KCNMA1: variants seen among roughly 807,000 people sequenced by gnomAD.
KCNMA1 encodes Calcium-activated potassium channel subunit alpha-1.
In KCNMA1, 29 loss-of-function variants were observed where a neutral mutation model predicts 140.0. The ratio of observed to expected loss-of-function variants is 0.21; its 90% CI spans 0.15 to 0.28. KCNMA1 has a LOEUF of 0.28. KCNMA1 is among the 10% of genes least tolerant of loss of function. KCNMA1 has a pLI of 1.00. For synonymous variants in KCNMA1, 612 were observed against 611.9 expected (o/e 1.00, Z 0.00); for missense variants, 880 against 1,602.2 (o/e 0.55, Z 7.70).
At chr10:77,157,398 T>G (rs951375095) in intron 5 of KCNMA1, among the ~76,000 whole-genome samples, 3 of 152,232 alleles carry the variant, frequency 2.0e-5, no homozygotes, top group Non-Finnish European at 4.4e-5. Flanking sequence ...ACTTATCTAC[T>G]GTACAGAAAA....
At chr10:77,550,912 T>G (rs997435700) in intron 1 of KCNMA1, among the ~76,000 whole-genome samples, 3 of 152,118 alleles carry the variant, frequency 2.0e-5, no homozygotes, top group Non-Finnish European at 4.4e-5. Flanking sequence ...CAACCAAGAT[T>G]TTGGAGTCAG....
intron 1 of KCNMA1, among the ~76,000 whole-genome samples, chr10:77,482,395 T>G (rs1239000408): frequency 1.3e-5 from 2 of 152,184 alleles, no homozygotes; most frequent in African/African-American, 2.4e-5. Context: ...GACAGGAGGC[T>G]TAGGGCATCA....
chr10:77,335,872 C>T (rs1201424253), intron 2 of KCNMA1, among the ~76,000 whole-genome samples: 1 of 152,182 alleles, frequency 6.6e-6, no homozygotes, highest in East Asian at 1.9e-4. Context: ...GACTCCAAGA[C>T]CCATGCTCCT....
At chr10:77,474,502 C>T (rs575752988) in intron 1 of KCNMA1, among the ~76,000 whole-genome samples, 33 of 152,336 alleles carry the variant, frequency 2.2e-4, no homozygotes, top group Admixed American at 6.5e-4. Flanking sequence ...ACCTTGACCT[C>T]AGACTTACAG....
At chr10:77,380,990 C>T (rs2095363426) in intron 2 of KCNMA1, among the ~76,000 whole-genome samples, 1 of 152,176 alleles carries the variant, frequency 6.6e-6, no homozygotes, top group Admixed American at 6.5e-5. Flanking sequence ...CTGTGCTTTT[C>T]TGACCTTAGA....
At chr10:76,972,103 G>T (rs903798304) in intron 19 of KCNMA1, among the ~76,000 whole-genome samples, 2 of 152,148 alleles carry the variant, frequency 1.3e-5, no homozygotes, top group Non-Finnish European at 2.9e-5. Flanking sequence ...CTTGCAATTG[G>T]TGTATTGTGT....
chr10:77,093,559 G>A (rs923748615), intron 9 of KCNMA1, among the ~76,000 whole-genome samples: 13 of 152,286 alleles, frequency 8.5e-5, no homozygotes, highest in East Asian at 1.9e-4. Flanking sequence ...ATCTGCTTCC[G>A]CCAGCCTGTG....
chr10:77,088,898 G>GGGGAC lies in KCNMA1; in HGVS notation c.1334+1501_1334+1502insGTCCC, dbSNP rs2096753923. 2.0e-5 allele frequency among the ~76,000 whole-genome samples: 3 copies of GGGGAC among 152,300 alleles called. No homozygotes were observed. The East Asian group carries it at 5.8e-4, about 29-fold the overall frequency. ...ATGTCCCCAGTCACTTCTGCCACCT[G>GGGGAC]ATCAAAATGACTTCAGCATCCCTTG... On this transcript the variant is annotated intron_variant, in intron 10 of 27. Coordinates refer to ENST00000286628, the MANE Select transcript of KCNMA1 (RefSeq NM_001161352.2).
intron 2 of KCNMA1, among the ~76,000 whole-genome samples, chr10:77,391,390 C>T (rs2095815659): frequency 6.6e-6 from 1 of 152,158 alleles, no homozygotes; most frequent in African/African-American, 2.4e-5. Flanking sequence ...GCCAATTTTA[C>T]AAACTGAAAT....
At chr10:77,145,509 A>G (rs1376787991) in intron 5 of KCNMA1, among the ~76,000 whole-genome samples, 1 of 152,168 alleles carries the variant, frequency 6.6e-6, no homozygotes, top group Non-Finnish European at 1.5e-5. Flanking sequence ...TGTCTGCCTG[A>G]AAGAATTCTA....
rs1225812011 is a variant in KCNMA1 at position 77,108,801 on chromosome 10, A to C, written c.1132-229T>G. ...ACCTTGACAACTAAAGAACAAAAAA[A>C]AATCACAGTCGAGAAAAATACAAAG... On this transcript the variant is annotated intron_variant, in intron 8 of 27. Transcript: ENST00000286628. The surrounding 1 kb of genome is among the most constrained non-coding windows in gnomAD (Gnocchi z 4.6). Among the ~76,000 whole-genome samples, 1 of 152,200 alleles carries C rather than the reference A, an allele frequency of 6.6e-6. No individual in the cohort carries two copies. Among genetic ancestry groups the C allele is most frequent in the African/African-American group, 2.4e-5 (1 of 41,458 alleles).
chr10:77,086,788 G>C (rs1488773580), intron 10 of KCNMA1, among the ~76,000 whole-genome samples, 195 bp from the exon 11 acceptor site: 1 of 152,118 alleles, frequency 6.6e-6, no homozygotes, highest in Non-Finnish European at 1.5e-5. Context: ...AACCAAACCA[G>C]TACCATGGTA....
intron 21 of KCNMA1, among the ~76,000 whole-genome samples, chr10:76,951,420 GC>G (rs1421885595): frequency 2.0e-5 from 3 of 152,166 alleles, no homozygotes; most frequent in African/African-American, 7.2e-5. Flanking sequence ...GACGGGACTT[GC>G]CTGGTCACTT....
chr10:76,942,064 C>T (rs1461588591), intron 23 of KCNMA1, among the ~76,000 whole-genome samples: 4 of 152,150 alleles, frequency 2.6e-5, no homozygotes, highest in South Asian at 4.1e-4. Context: ...CTCCACCTCC[C>T]GGGTTCAAGT....
chr10:77,349,203 A>C (rs2092575560), intron 2 of KCNMA1, among the ~76,000 whole-genome samples: 1 of 152,150 alleles, frequency 6.6e-6, no homozygotes, highest in Non-Finnish European at 1.5e-5. Context: ...GCTCTCATGA[A>C]TGAGATTCAT....
At chr10:77,586,046 C>T (rs1220484220) in intron 1 of KCNMA1, among the ~76,000 whole-genome samples, 1 of 152,128 alleles carries the variant, frequency 6.6e-6, no homozygotes, top group Admixed American at 6.5e-5. Context: ...ATGGAACATC[C>T]CAAACTTTTA....
chr10:77,511,440 G>T (rs2048349503), intron 1 of KCNMA1, among the ~76,000 whole-genome samples: 1 of 152,196 alleles, frequency 6.6e-6, no homozygotes, highest in South Asian at 2.1e-4. Context: ...TAAGAAAATG[G>T]ACTCTGGAGT....
At chr10:77,088,811 A>G (rs2096751784) in intron 10 of KCNMA1, among the ~76,000 whole-genome samples, 1 of 152,184 alleles carries the variant, frequency 6.6e-6, no homozygotes, top group African/African-American at 2.4e-5. Flanking sequence ...GACCCATGAC[A>G]AGTCATACCT....
At chr10:77,211,599 C>G (rs1287310649) in intron 3 of KCNMA1, among the ~76,000 whole-genome samples, 1 of 152,066 alleles carries the variant, frequency 6.6e-6, no homozygotes, top group East Asian at 1.9e-4. Context: ...CAAAAATTGA[C>G]AAGTGGGACC....
Sources: allele counts gnomAD v4.1 joint callset (sites outside exome capture counted in the v4.1 genomes callset), GRCh38; gene constraint gnomAD v4.1.1; non-coding constraint Gnocchi (gnomAD v3.1); transcripts MANE v1.5; gene names NCBI Gene and HGNC (gene_info 2026-07-23, HGNC 2026-07-21).